Variants in GTF2IRD2 observed in about 807,000 individuals in gnomAD.
GTF2IRD2 encodes the protein general transcription factor II-I repeat domain-containing protein 2A.
Under a neutral mutation model 49.2 loss-of-function variants are expected in GTF2IRD2, and 8 were observed. The observed-to-expected ratio is 0.16, with a 90% CI of 0.10 to 0.29. The LOEUF is 0.29. GTF2IRD2 is among the 10% of genes least tolerant of loss of function. GTF2IRD2 has a pLI of 1.00. For synonymous variants in GTF2IRD2, 47 were observed against 289.7 expected (o/e 0.16, Z 8.51); for missense variants, 130 against 725.7 (o/e 0.18, Z 9.43).
chr7:74,826,935 C>T (rs1799454779), intron 3 of GTF2IRD2, among the ~76,000 whole-genome samples: 1 of 151,842 alleles, frequency 6.6e-6, no homozygotes, highest in South Asian at 2.1e-4. Flanking sequence ...TGGTCTAGAA[C>T]TACTGATCTC....
intron 1 of GTF2IRD2, among the ~76,000 whole-genome samples, chr7:74,847,699 C>A (rs1801401462): frequency 2.5e-3 from 1 of 404 alleles, no homozygotes; most frequent in Non-Finnish European, 5.6e-3. Context: ...GAAACTCCAT[C>A]TCAAAAAAAA....
At chr7:74,829,894 A>ACAAACAAACAAC (rs1488631016) in intron 3 of GTF2IRD2, among the ~76,000 whole-genome samples, 6 of 144,738 alleles carry the variant, frequency 4.1e-5, no homozygotes, top group East Asian at 2.0e-4. Context: ...TCTCAAAAAA[A>ACAAACAAACAAC]AAAAAAAATT....
chr7:74,841,222 A>C (rs2131812098), intron 1 of GTF2IRD2, among the ~76,000 whole-genome samples: 1 of 116,004 alleles, frequency 8.6e-6, no homozygotes, highest in Non-Finnish European at 1.7e-5. Flanking sequence ...GGCTGGAGTG[A>C]AATGGCATGA....
At chr7:74,811,427 TG>T in intron 9 of GTF2IRD2, among the ~76,000 whole-genome samples, 1 of 134,196 alleles carries the variant, frequency 7.5e-6, no homozygotes, top group Non-Finnish European at 1.7e-5. Context: ...TCTCACATTC[TG>T]GATTTTATTG....
rs587729580 is a variant in GTF2IRD2, at chr7:74,830,125, G to A, written c.238+2680C>T. Among the ~76,000 whole-genome samples the A allele has an allele frequency of 4.0e-4, 56 of 141,382 alleles. No homozygotes were observed. The South Asian group carries it at 4.2e-3, about 11-fold the overall frequency. The allele number at this position is 141,382 out of a possible 152,430, so 92.8% of individuals were successfully genotyped here. ...TGCCAGGTGCAGATCTCAGCTACTT[G>A]GGAGGCCAAGACAGGAGGATCACTT... On this transcript the variant is annotated intron_variant, in intron 3 of 15. Coordinates refer to ENST00000451013, the MANE Select transcript of GTF2IRD2 (RefSeq NM_173537.5).
Position 74,825,838 on chromosome 7 carries a change from T to A in GTF2IRD2, c.239-786A>T, listed in dbSNP as rs2527252. Among the ~76,000 whole-genome samples, 87 of 146,750 alleles carry A rather than the reference T, an allele frequency of 5.9e-4. 1 individual carries two copies. Among genetic ancestry groups the A allele is most frequent in the African/African-American group, 1.6e-3 (63 of 40,196 alleles). On this transcript the variant is annotated intron_variant, in intron 3 of 15. Coordinates refer to ENST00000451013, the MANE Select transcript of GTF2IRD2 (RefSeq NM_173537.5). ...TTTTTTGAGACAGAGTCTCGCTGTG[T>A]CACCCAGGCTGGAGTGCAGTGGCAT...
At chr7:74,799,017 T>C (rs183338360) in intron 15 of GTF2IRD2, 12,775 of 144,518 alleles carry the variant, frequency 0.088, 826 homozygotes, top group Non-Finnish European at 0.13. Flanking sequence ...TTTTCTTTTT[T>C]TTTTTTTTTT....
chr7:74,831,779 G>C (rs1157867628), intron 3 of GTF2IRD2, among the ~76,000 whole-genome samples: 1 of 68,922 alleles, frequency 1.5e-5, no homozygotes, highest in East Asian at 4.3e-4. Context: ...CCGGGCTCAA[G>C]AGATCCTCTC....
intron 1 of GTF2IRD2, among the ~76,000 whole-genome samples, chr7:74,842,695 A>G (rs587673535): frequency 6.9e-6 from 1 of 144,790 alleles, no homozygotes; most frequent in African/African-American, 2.7e-5. Flanking sequence ...AGTAGCTAAG[A>G]TGACAGGCAT....
At chr7:74,818,199 G>A (rs1374857153) in intron 8 of GTF2IRD2, among the ~76,000 whole-genome samples, 1 of 41,748 alleles carries the variant, frequency 2.4e-5, no homozygotes, top group Non-Finnish European at 4.1e-5. Context: ...CACTGTCATA[G>A]TAATGTACCT....
At chr7:74,830,296 A>G (rs1248349386) in intron 3 of GTF2IRD2, among the ~76,000 whole-genome samples, 4 of 136,730 alleles carry the variant, frequency 2.9e-5, no homozygotes, top group African/African-American at 1.1e-4. Context: ...TGAGGTCAGG[A>G]GTCTAAGACC....
At chr7:74,807,176 G>A (rs587616522) in intron 11 of GTF2IRD2, 165 bp from the exon 12 acceptor site, 21 of 57,014 alleles carry the variant, frequency 3.7e-4, no homozygotes, top group African/African-American at 1.7e-3. Flanking sequence ...GGAGTGCAGT[G>A]GTGTGATCCT....
chr7:74,834,760 G>GTCATGATAGC (rs1235041331), intron 2 of GTF2IRD2, among the ~76,000 whole-genome samples: 3 of 110,826 alleles, frequency 2.7e-5, no homozygotes, highest in South Asian at 5.7e-4. Flanking sequence ...GGAGTGCAGT[G>GTCATGATAGC]TCATGATAGC....
rs1800553042 is a variant in GTF2IRD2 at position 74,839,085 on chromosome 7, C to CCT, written c.-5-2703_-5-2702insAG. Among the ~76,000 whole-genome samples, 9 of 25,276 alleles carry CCT rather than the reference C, an allele frequency of 3.6e-4. 4 individuals are homozygous for CCT. The highest frequency in any genetic ancestry group is 4.5e-4 in the Non-Finnish European group (7 of 15,434). The allele number at this position is 25,276 out of a possible 152,430, so 16.6% of individuals were successfully genotyped here. A position where few individuals can be genotyped will look rare whatever the true frequency, so the allele number is the denominator to read the frequency against. On this transcript the variant is annotated intron_variant, in intron 1 of 15. Coordinates refer to ENST00000451013, the MANE Select transcript of GTF2IRD2 (RefSeq NM_173537.5). ...GATTACAGGCAGGCGCCACCATGCT[C>CCT]GGCTAATTTTTGTATTTTTAGTAGA...
In GTF2IRD2 at chr7:74,833,164, G is replaced by T. The variant is rs1389776091; in HGVS notation, c.100-221C>A. Among the ~76,000 whole-genome samples, 250 of 93,780 alleles carry T rather than the reference G, an allele frequency of 2.7e-3. 8 individuals carry two copies. Among genetic ancestry groups the T allele is most frequent in the African/African-American group, 9.8e-3 (238 of 24,366 alleles). 61.5% of individuals were successfully genotyped at this position (93,780 alleles called of 152,430 possible). A position where few individuals can be genotyped will look rare whatever the true frequency, so the allele number is the denominator to read the frequency against. On this transcript the variant is annotated intron_variant, in intron 2 of 15. Transcript: ENST00000451013. ...GCCTCCCGGGTTCATGTCATTCTCC[G>T]GCCTCAGCCTCCTGAGTAGCTGGGA...
In GTF2IRD2 at chr7:74,850,568, G is replaced by A. The variant is rs1801524247; in HGVS notation, c.-6+799C>T. Among the ~76,000 whole-genome samples the A allele has an allele frequency of 3.8e-5, 2 of 52,630 alleles. 1 individual carries two copies. The highest frequency in any genetic ancestry group is 1.2e-4 in the African/African-American group (2 of 16,014). The allele number at this position is 52,630 out of a possible 152,430, so 34.5% of individuals were successfully genotyped here. The stretch of plus-strand genomic sequence containing the variant: ...GTGATTGCCAGGGGCTGGGGATAGG[G>A]ACGGGGTGGGGACCGGGGAATGACG... On this transcript the variant is annotated intron_variant, in intron 1 of 15. Transcript: ENST00000451013.
intron 5 of GTF2IRD2, 32 bp from the exon 6 acceptor site, chr7:74,822,487 G>A (rs587684668): frequency 7.7e-5 from 58 of 749,408 alleles, no homozygotes; most frequent in Non-Finnish European, 1.1e-4. Context: ...TACCCAGCAC[G>A]GACCAATGAA....
In GTF2IRD2 at chr7:74,822,808, C is replaced by G. The variant is rs1317234383; in HGVS notation, c.359-1G>C. 4 of 1,543,724 alleles carry G rather than the reference C, an allele frequency of 2.6e-6. 1 individual carries two copies. Among genetic ancestry groups the G allele is most frequent in the Non-Finnish European group, 3.5e-6 (4 of 1,149,964 alleles). The stretch of plus-strand genomic sequence containing the variant: ...ATCACTGTTGTCCCTAAGGCTTTAC[C>G]TACAAGAAGACGCAAACGTCTTTGG... On this transcript the variant is annotated splice_acceptor_variant, in intron 4 of 15. Coordinates refer to ENST00000451013, the MANE Select transcript of GTF2IRD2 (RefSeq NM_173537.5). LOFTEE classifies it high-confidence loss of function.
At chr7:74,824,243 A>C (rs1799178613) in intron 4 of GTF2IRD2, among the ~76,000 whole-genome samples, 1 of 95,446 alleles carries the variant, frequency 1.0e-5, no homozygotes, top group Non-Finnish European at 2.0e-5. Context: ...TCGAGGCAGG[A>C]GGATCACCTG....
Sources: gnomAD v4.1 joint callset for allele counts (sites outside exome capture counted in the v4.1 genomes callset) on GRCh38, gnomAD v4.1.1 for gene constraint, MANE v1.5 for transcripts, NCBI Gene and HGNC (gene_info 2026-07-23, HGNC 2026-07-21) for gene names.